PAXBP1: variants seen among roughly 807,000 people sequenced by gnomAD.
PAXBP1 encodes PAX3- and PAX7-binding protein 1.
A neutral mutation model predicts 119.9 loss-of-function variants in PAXBP1; 44 were observed. The observed-to-expected ratio is 0.37, with a 90% CI of 0.29 to 0.47. The LOEUF (loss-of-function observed/expected upper bound fraction) is 0.47. Among genes scored for constraint, PAXBP1 ranks in the 20% least tolerant of loss-of-function variants. The pLI, the probability that PAXBP1 is intolerant of heterozygous loss-of-function variation, is 0.99. For synonymous variants in PAXBP1, 393 were observed against 406.6 expected, an observed-to-expected ratio of 0.97 and a Z score of 0.40; for missense variants, 898 against 1,134.1, an observed-to-expected ratio of 0.79 and a Z score of 2.99.
chr21:32,747,407 A>T (rs974977662), intron 11 of PAXBP1, among the ~76,000 whole-genome samples: 14 of 152,150 alleles, frequency 9.2e-5, no homozygotes. Flanking sequence ...ACACAGCTGG[A>T]AACTGTGGGG....
chr21:32,735,220 T>TAA (rs796083856), intron 17 of PAXBP1, among the ~76,000 whole-genome samples, 153 bp from the exon 18 acceptor site: 171 of 144,870 alleles, frequency 1.2e-3, no homozygotes, highest in African/African-American at 4.3e-3. Flanking sequence ...TACAGCATGT[T>TAA]AAAAAAAAAA....
chr21:32,763,787 A>G (rs889442267), intron 3 of PAXBP1, among the ~76,000 whole-genome samples: 1 of 152,154 alleles, frequency 6.6e-6, no homozygotes, highest in Non-Finnish European at 1.5e-5. Context: ...GGAGTTCAAG[A>G]CGAGCCTGGC....
At chr21:32,759,296 A>C in intron 6 of PAXBP1, 27 bp from the exon 7 acceptor site, 1 of 1,598,420 alleles carries the variant, frequency 6.3e-7, no homozygotes, top group Non-Finnish European at 8.6e-7. Flanking sequence ...GATAAATATA[A>C]CACATTTACA....
chr21:32,746,512 C>T (rs1303017990), intron 11 of PAXBP1, among the ~76,000 whole-genome samples: 1 of 152,146 alleles, frequency 6.6e-6, no homozygotes, highest in Admixed American at 6.5e-5. Context: ...AGCTCAACAT[C>T]ACCGATGATT....
intron 2 of PAXBP1, among the ~76,000 whole-genome samples, chr21:32,765,645 T>A (rs750157538): frequency 1.3e-5 from 2 of 152,088 alleles, no homozygotes; most frequent in African/African-American, 2.4e-5. Flanking sequence ...AGAGATAACA[T>A]CCCTCCCCTC....
intron 8 of PAXBP1, among the ~76,000 whole-genome samples, chr21:32,754,109 G>A (rs1158944307): frequency 1.3e-5 from 2 of 152,128 alleles, no homozygotes; most frequent in Admixed American, 6.5e-5. Context: ...TATGAGGGCC[G>A]TATTACCATC....
intron 2 of PAXBP1, 122 bp from the exon 3 acceptor site, chr21:32,764,646 A>T: frequency 1.5e-6 from 1 of 666,514 alleles, no homozygotes. Flanking sequence ...TTTTCATTCA[A>T]TTATGGGCTC....
chr21:32,771,158 C>T (rs2044335322), intron 1 of PAXBP1, among the ~76,000 whole-genome samples, 168 bp downstream of exon 1: 1 of 152,214 alleles, frequency 6.6e-6, no homozygotes, highest in Non-Finnish European at 1.5e-5. Context: ...GAACGCGTCC[C>T]TTGCCCGAGC....
intron 12 of PAXBP1, 136 bp from the exon 13 acceptor site, chr21:32,745,049 C>T (rs1185139984): frequency 3.2e-6 from 3 of 944,388 alleles, no homozygotes; most frequent in African/African-American, 3.5e-5. Flanking sequence ...CTTCTTTGTC[C>T]TATTAACTGT....
At chr21:32,771,276 C>T in intron 1 of PAXBP1, 50 bp downstream of exon 1, 1 of 1,489,414 alleles carries the variant, frequency 6.7e-7, no homozygotes, top group Non-Finnish European at 9.0e-7. Flanking sequence ...GGGACGGGGG[C>T]CTGCGTCGGG....
chr21:32,750,810 T>C lies in PAXBP1; in HGVS notation c.1723+107A>G. On this transcript the variant is annotated intron_variant, in intron 10 of 17. Transcript: ENST00000331923. ...TTTCTGCAATTAAAAAAGAAGTGTC[T>C]GGTTCTAATGCAGAGACCATGAAGA... 5 of 783,734 alleles carry C rather than the reference T, an allele frequency of 6.4e-6. No homozygotes were observed. The South Asian group carries it at 9.4e-5, about 15-fold the overall frequency. 48.5% of individuals were successfully genotyped at this position (783,734 alleles called of 1,614,324 possible). A position where few individuals can be genotyped will look rare whatever the true frequency, so the allele number is the denominator to read the frequency against.
Position 32,771,732 on chromosome 21 carries a change from C to G in PAXBP1, c.-64G>C. The G allele has an allele frequency of 7.8e-7, 1 of 1,282,214 alleles. No individual in the cohort carries two copies. Among genetic ancestry groups the G allele is most frequent in the Non-Finnish European group, 1.0e-6 (1 of 1,001,706 alleles). The allele number at this position is 1,282,214 out of a possible 1,614,324, so 79.4% of individuals were successfully genotyped here. A position where few individuals can be genotyped will look rare whatever the true frequency, so the allele number is the denominator to read the frequency against. On this transcript the variant is annotated 5_prime_UTR_variant, in exon 1 of 18. Coordinates refer to ENST00000331923, the MANE Select transcript of PAXBP1 (RefSeq NM_016631.4). ...ACCGCGGCCCCGGCAGCGCCGAGCTCGTGACGGCGCACGCGCGCTCTCCGG... is the reference window on the plus strand; with the variant it reads ...ACCGCGGCCCCGGCAGCGCCGAGCTGGTGACGGCGCACGCGCGCTCTCCGG...
intron 1 of PAXBP1, 121 bp downstream of exon 1, chr21:32,771,205 G>T: frequency 1.1e-6 from 1 of 935,206 alleles, no homozygotes; most frequent in Non-Finnish European, 1.5e-6. Context: ...GCAGCCGGTC[G>T]GACGGCAGGG....
At chr21:32,752,661 C>T (rs922344311) in intron 8 of PAXBP1, among the ~76,000 whole-genome samples, 3 of 152,170 alleles carry the variant, frequency 2.0e-5, no homozygotes, top group Non-Finnish European at 2.9e-5. Context: ...TTTATTGAGA[C>T]GGAGTCTTGC....
Position 32,759,168 on chromosome 21 carries a change from C to G in PAXBP1, c.1295G>C (p.Gly432Ala), listed in dbSNP as rs1431762236. The G allele has an allele frequency of 1.9e-6, 3 of 1,613,926 alleles. No homozygotes were observed. The highest frequency in any genetic ancestry group is 2.5e-6 in the Non-Finnish European group (3 of 1,179,952). The part of the protein sequence containing the change: ...DSTRAIERLE[G>A]SSGGIGERYK... ...CCGTTCACCAATACCCCCAGAAGAC[C>G]CTTCTAATCTTTCAATAGCCCTGGT... Residue 432 changes from glycine to alanine, a missense_variant, in exon 7 of 18, where the codon GGG becomes GCG. This residue lies in a region of PAXBP1 where 599 missense variants were observed against 852.7 expected (regional missense o/e 0.70). Coordinates refer to ENST00000331923, the MANE Select transcript of PAXBP1 (RefSeq NM_016631.4).
intron 11 of PAXBP1, among the ~76,000 whole-genome samples, chr21:32,748,216 T>C (rs1332440408): frequency 6.6e-6 from 1 of 152,164 alleles, no homozygotes; most frequent in Non-Finnish European, 1.5e-5. Flanking sequence ...TTCATGTTCA[T>C]ATCCCAGTGT....
chr21:32,753,114 A>G (rs1468517769), intron 8 of PAXBP1, among the ~76,000 whole-genome samples: 1 of 152,148 alleles, frequency 6.6e-6, no homozygotes, highest in African/African-American at 2.4e-5. Context: ...ATCCCAAACT[A>G]TAAAAATAAT....
At chr21:32,743,177 AAC>A in intron 15 of PAXBP1, 69 bp downstream of exon 15, 1 of 1,171,970 alleles carries the variant, frequency 8.5e-7, no homozygotes, top group African/African-American at 1.5e-5. Flanking sequence ...TAAAAAACAA[AAC>A]ACTCTAAAAA....
At position 32,735,083 on chromosome 21, in the gene PAXBP1, A is replaced by G; in HGVS notation, c.2637-16T>C. 6.4e-7 allele frequency: 1 copy of G among 1,561,502 alleles called. No individual in the cohort carries two copies. The highest frequency in any genetic ancestry group is 8.8e-7 in the Non-Finnish European group (1 of 1,135,606). On this transcript the variant is annotated splice_polypyrimidine_tract_variant and intron_variant, in intron 17 of 17. Transcript: ENST00000331923. The stretch of plus-strand genomic sequence containing the variant: ...TATGTTTTCCCTAAAAGAAAAAAAT[A>G]TAGCAGCATCTCATTAATTAGTATA...
Sources: gnomAD v4.1 joint callset for allele counts (sites outside exome capture counted in the v4.1 genomes callset) on GRCh38, gnomAD v4.1.1 for gene constraint, gnomAD v4.1.1 regional missense constraint, MANE v1.5 for transcripts, NCBI Gene and HGNC (gene_info 2026-07-23, HGNC 2026-07-21) for gene names.